BUD13: variants seen among roughly 807,000 people sequenced by gnomAD.
The protein encoded by BUD13 is BUD13 spliceosome associated protein, also known as BUD13 homolog.
Under a neutral mutation model 62.5 loss-of-function variants are expected in BUD13, and 47 were observed. The observed-to-expected ratio is 0.75, with a 90% confidence interval of 0.60 to 0.96. The LOEUF (loss-of-function observed/expected upper bound fraction) is 0.96. Ranked by LOEUF, BUD13 falls within the 40% of genes least tolerant of loss-of-function variation. The pLI is 0.00. For synonymous variants in BUD13, 293 were observed against 280.1 expected (o/e 1.05, Z -0.46); for missense variants, 821 against 790.9 (o/e 1.04, Z -0.46).
intron 2 of BUD13, among the ~76,000 whole-genome samples, chr11:116,767,667 T>G (rs527898420): frequency 6.6e-6 from 1 of 151,814 alleles, no homozygotes; most frequent in African/African-American, 2.4e-5. Context: ...CTATTGGTTT[T>G]GTTTTGTTAA....
rs1246057969 is a variant in BUD13, at chr11:116,757,033, CA to C, written c.1766+112del. 48 of 964,898 alleles carry C rather than the reference CA, an allele frequency of 5.0e-5. 1 individual carries two copies. In the East Asian group the frequency reaches 7.9e-4, roughly 16 times the overall value. The allele number at this position is 964,898 out of a possible 1,614,324, so 59.8% of individuals were successfully genotyped here. A position where few individuals can be genotyped will look rare whatever the true frequency, so the allele number is the denominator to read the frequency against. ...CTCAGAAAAAGAAGCAAGCAAAGTG[CA>C]TATTTTTCACCTTGTGATTAAAGCA... On this transcript the variant is annotated intron_variant, in intron 9 of 9. Coordinates refer to ENST00000260210, the MANE Select transcript of BUD13 (RefSeq NM_032725.4).
intron 2 of BUD13, among the ~76,000 whole-genome samples, chr11:116,765,822 T>C (rs531076685): frequency 6.6e-5 from 10 of 152,356 alleles, no homozygotes; most frequent in African/African-American, 2.4e-4. Context: ...CCATCATGCC[T>C]AGCACTAATC....
In BUD13 at chr11:116,760,885, C is replaced by G; in HGVS notation, c.1104G>C (p.Gln368His). The change falls in exon 5 of 10, where the codon CAG (glutamine) becomes CAC (histidine). Residue 368 changes from glutamine (Q) to histidine (H), a missense_variant. Gln to His is a conservative substitution (Grantham distance 24). Coordinates refer to ENST00000260210, the MANE Select transcript of BUD13 (RefSeq NM_032725.4). ...SPRHKQSPGH[Q>H]DSDSDLSPPR... Reference sequence around the variant, plus strand: ...GAGGTGACAGATCTGAATCAGAATCCTGGTGCCCTGGACTTTGTTTATGCC... The same window carrying G: ...GAGGTGACAGATCTGAATCAGAATCGTGGTGCCCTGGACTTTGTTTATGCC... 1 of 1,614,066 alleles carries G rather than the reference C, an allele frequency of 6.2e-7. No individual in the cohort carries two copies.
intron 6 of BUD13, 110 bp downstream of exon 6, chr11:116,758,964 G>C: frequency 1.3e-6 from 1 of 756,596 alleles, no homozygotes; most frequent in Non-Finnish European, 2.2e-6. Flanking sequence ...TAAAACCAGA[G>C]CTGAAATTTG....
At chr11:116,753,504 C>T (rs1940275881) in intron 9 of BUD13, among the ~76,000 whole-genome samples, 1 of 152,188 alleles carries the variant, frequency 6.6e-6, no homozygotes, top group African/African-American at 2.4e-5. Context: ...AAAACTAACA[C>T]ACTTAAGAGG....
chr11:116,762,760 T>C lies in BUD13; in HGVS notation c.829A>G (p.Asn277Asp). The change falls in exon 4 of 10, where the codon AAT (asparagine) becomes GAT (aspartate). Residue 277 changes from asparagine to aspartate, a missense_variant. Physicochemically the swap from Asn to Asp is conservative, Grantham distance 23 (BLOSUM62 1). Transcript: ENST00000260210. Reference protein sequence around the residue: ...ARHDSPDLAPNVTYSLPRTKS... With the variant: ...ARHDSPDLAPDVTYSLPRTKS... ...GTTCTGGGCAGGGAATAAGTGACAT[T>C]AGGAGCCAAATCAGGGGAGTCATGA... 2 of 1,614,130 alleles carry C rather than the reference T, an allele frequency of 1.2e-6. No homozygotes were observed. The highest frequency in any genetic ancestry group is 1.7e-6 in the Non-Finnish European group (2 of 1,180,000).
intron 4 of BUD13, 81 bp downstream of exon 4, chr11:116,762,472 A>C (rs1940446936): frequency 1.7e-6 from 2 of 1,207,766 alleles, no homozygotes; most frequent in Admixed American, 4.7e-5. Flanking sequence ...TTCCATTCTT[A>C]TACCTAATAA....
chr11:116,769,681 A>T (rs1304462609), intron 2 of BUD13, among the ~76,000 whole-genome samples: 3 of 152,222 alleles, frequency 2.0e-5, no homozygotes, highest in African/African-American at 7.2e-5. Flanking sequence ...TATTTTAAAC[A>T]GCTCTTTGGA....
intron 3 of BUD13, among the ~76,000 whole-genome samples, chr11:116,764,676 C>T (rs1250548398): frequency 1.3e-5 from 2 of 152,134 alleles, no homozygotes; most frequent in African/African-American, 4.8e-5. Context: ...TACCTACTAG[C>T]AATTAAACAA....
intron 9 of BUD13, among the ~76,000 whole-genome samples, chr11:116,752,373 G>A (rs1331009517): frequency 6.6e-6 from 1 of 151,982 alleles, no homozygotes. Context: ...AAAAGATGAT[G>A]AAAGATGAAT....
chr11:116,764,528 C>T (rs1940495040), intron 3 of BUD13, among the ~76,000 whole-genome samples: 2 of 151,990 alleles, frequency 1.3e-5, no homozygotes, highest in South Asian at 4.1e-4. Context: ...GTGTGTGTGA[C>T]TGACCTTCTA....
chr11:116,772,351 CTA>C (rs146236670), intron 1 of BUD13, among the ~76,000 whole-genome samples: 97 of 152,258 alleles, frequency 6.4e-4, no homozygotes, highest in South Asian at 1.2e-3. Context: ...AAAAGTATAA[CTA>C]TATAAATGTT....
chr11:116,772,224 C>G (rs1940642607), intron 1 of BUD13, among the ~76,000 whole-genome samples: 1 of 152,142 alleles, frequency 6.6e-6, no homozygotes, highest in Non-Finnish European at 1.5e-5. Context: ...TTGGTAGGGC[C>G]CACTACACTG....
At chr11:116,759,942 TTC>T (rs758523417) in intron 5 of BUD13, among the ~76,000 whole-genome samples, 1 of 152,190 alleles carries the variant, frequency 6.6e-6, no homozygotes, top group Non-Finnish European at 1.5e-5. Context: ...GGCTCTATCA[TTC>T]TGTTTCTTAA....
intron 2 of BUD13, among the ~76,000 whole-genome samples, chr11:116,766,790 A>C (rs1940536517): frequency 6.6e-6 from 1 of 152,222 alleles, no homozygotes; most frequent in African/African-American, 2.4e-5. Context: ...CAGTTACAAA[A>C]ATGAATTCAG....
Position 116,770,130 on chromosome 11 carries a change from A to T in BUD13, c.236T>A (p.Val79Glu). 6.2e-7 allele frequency: 1 copy of T among 1,610,824 alleles called. No individual in the cohort carries two copies. The highest frequency in any genetic ancestry group is 8.5e-7 in the Non-Finnish European group (1 of 1,178,368). The change falls in exon 2 of 10, where the codon GTG becomes GAG. Residue 79 changes from valine to glutamate, a missense_variant and splice_region_variant. Val to Glu is a moderately radical substitution (Grantham distance 121). This residue lies in a region of BUD13 where 800 missense variants were observed against 739.2 expected (regional missense o/e 1.08). Coordinates refer to ENST00000260210, the MANE Select transcript of BUD13 (RefSeq NM_032725.4). The stretch of plus-strand genomic sequence containing the variant: ...CCTGACAGCCCCAAAGATACATACC[A>T]CAGGCAAATCTCCATCATCTTCCTC... ...EEEEDDGDLP[V>E]VAEFVDERPE...
At chr11:116,770,437 C>T (rs1299388315) in intron 1 of BUD13, among the ~76,000 whole-genome samples, 1 of 152,150 alleles carries the variant, frequency 6.6e-6, no homozygotes, top group Non-Finnish European at 1.5e-5. Context: ...GTTCCTATCA[C>T]ATCAGTTTTC....
At chr11:116,758,551 T>C in intron 6 of BUD13, 144 bp from the exon 7 acceptor site, 2 of 774,214 alleles carry the variant, frequency 2.6e-6, no homozygotes, top group Non-Finnish European at 4.0e-6. Flanking sequence ...TCTTGGTGCA[T>C]ATTGGCACTG....
intron 1 of BUD13, among the ~76,000 whole-genome samples, chr11:116,770,497 C>CTTT (rs750220858): frequency 7.0e-6 from 1 of 142,280 alleles, no homozygotes; most frequent in African/African-American, 2.6e-5. Flanking sequence ...CAATCTTTTT[C>CTTT]TTTTTTTTTT....
Sources: allele counts gnomAD v4.1 joint callset (sites outside exome capture counted in the v4.1 genomes callset), GRCh38; gene constraint gnomAD v4.1.1; regional missense constraint gnomAD v4.1.1; transcripts MANE v1.5; gene names NCBI Gene and HGNC (gene_info 2026-07-23, HGNC 2026-07-21).